The following RTKN2 variants were observed in gnomAD, a reference collection of about 807,000 sequenced individuals.
RTKN2 encodes rhotekin-2.
Under a neutral mutation model 71.5 loss-of-function variants are expected in RTKN2, and 69 were observed. The ratio of observed to expected loss-of-function variants is 0.96; its 90% CI spans 0.79 to 1.18. The LOEUF is 1.18. RTKN2 is among the 50% of genes most tolerant of loss of function. The pLI is 0.00. For synonymous variants in RTKN2, 236 were observed against 236.5 expected (o/e 1.00, Z 0.02); for missense variants, 724 against 719.7 (o/e 1.01, Z -0.07).
At chr10:62,187,277 C>CA (rs35517716) in intron 8 of RTKN2, among the ~76,000 whole-genome samples, 34,609 of 120,062 alleles carry the variant, frequency 0.29, 5,065 homozygotes, top group African/African-American at 0.49. Context: ...TCACAAATCA[C>CA]AAAAAAAAAA....
intron 8 of RTKN2, among the ~76,000 whole-genome samples, chr10:62,186,726 G>A (rs563978353): frequency 8.6e-5 from 13 of 150,742 alleles, no homozygotes; most frequent in African/African-American, 3.0e-4. Flanking sequence ...TTATTTTACT[G>A]CTGGTTACTG....
intron 1 of RTKN2, among the ~76,000 whole-genome samples, chr10:62,263,958 CAAT>C (rs1444916423): frequency 6.6e-6 from 1 of 151,960 alleles, no homozygotes; most frequent in East Asian, 1.9e-4. Context: ...ATTTAATTCA[CAAT>C]GACTTTATAA....
intron 10 of RTKN2, among the ~76,000 whole-genome samples, chr10:62,203,623 G>A (rs771200548): frequency 3.3e-5 from 5 of 152,238 alleles, no homozygotes; most frequent in Non-Finnish European, 5.9e-5. Flanking sequence ...GGGATTACAG[G>A]CGTGAGCCAC....
chr10:62,223,533 T>C (rs938292334), intron 6 of RTKN2, among the ~76,000 whole-genome samples: 1 of 152,172 alleles, frequency 6.6e-6, no homozygotes, highest in African/African-American at 2.4e-5. Context: ...GAAATGTCTA[T>C]TTCTCTTTTG....
In RTKN2 at chr10:62,193,782, T is replaced by G. The variant is rs922494217; in HGVS notation, c.*4126A>C. 1.3e-5 allele frequency: 13 copies of G among 984,608 alleles called. No homozygotes were observed. Among genetic ancestry groups the G allele is most frequent in the East Asian group, 1.1e-4 (1 of 8,812 alleles). The allele number at this position is 984,608 out of a possible 1,614,324, so 61.0% of individuals were successfully genotyped here. A position where few individuals can be genotyped will look rare whatever the true frequency, so the allele number is the denominator to read the frequency against. Reference sequence around the variant, plus strand: ...GATCACTAAACTAAAAGTAAGGTTATGTCAATGGATTTTTAAAAGAGTATA... The same window carrying G: ...GATCACTAAACTAAAAGTAAGGTTAGGTCAATGGATTTTTAAAAGAGTATA... On this transcript the variant is annotated 3_prime_UTR_variant, in exon 12 of 12. Coordinates refer to ENST00000373789, the MANE Select transcript of RTKN2 (RefSeq NM_145307.4).
chr10:62,240,148 G>C (rs1235840111), intron 4 of RTKN2, among the ~76,000 whole-genome samples: 2 of 151,464 alleles, frequency 1.3e-5, no homozygotes, highest in African/African-American at 4.9e-5. Flanking sequence ...TGGTTTCCAA[G>C]TCTATTTAAG....
intron 1 of RTKN2, among the ~76,000 whole-genome samples, chr10:62,263,917 TA>T (rs1247734606): frequency 4.6e-5 from 7 of 152,178 alleles, no homozygotes; most frequent in African/African-American, 1.7e-4. Flanking sequence ...CACGCAACAT[TA>T]AAATTCTACA....
chr10:62,245,747 C>T (rs1036168451), intron 3 of RTKN2, among the ~76,000 whole-genome samples: 1 of 152,132 alleles, frequency 6.6e-6, no homozygotes, highest in Non-Finnish European at 1.5e-5. Flanking sequence ...ATAACAATTA[C>T]TCTACCTATT....
chr10:62,215,109 GT>G, intron 9 of RTKN2: 2 of 1,394,906 alleles, frequency 1.4e-6, no homozygotes, highest in Non-Finnish European at 9.8e-7. Flanking sequence ...AATATCATTT[GT>G]TTAGATTACA....
At chr10:62,191,295 C>T (rs1446886350), downstream of RTKN2, among the ~76,000 whole-genome samples, 1 of 152,164 alleles carries the variant, frequency 6.6e-6, no homozygotes, top group African/African-American at 2.4e-5. Context: ...TGCCACCACA[C>T]ATGGCTATGT....
At chr10:62,253,845 T>C (rs914329344) in intron 2 of RTKN2, among the ~76,000 whole-genome samples, 4 of 152,026 alleles carry the variant, frequency 2.6e-5, no homozygotes, top group Non-Finnish European at 5.9e-5. Context: ...AAAAAAATAA[T>C]TGATACATGA....
chr10:62,229,764 A>G (rs1469871851), intron 6 of RTKN2, among the ~76,000 whole-genome samples: 2 of 152,184 alleles, frequency 1.3e-5, no homozygotes, highest in Admixed American at 1.3e-4. Flanking sequence ...TAACCAAACT[A>G]TATGTTTAAA....
At chr10:62,229,704 G>A (rs1015944421) in intron 6 of RTKN2, among the ~76,000 whole-genome samples, 1 of 152,156 alleles carries the variant, frequency 6.6e-6, no homozygotes, top group Admixed American at 6.5e-5. Context: ...CTGGAGAGAT[G>A]GCATGTTTAG....
intron 7 of RTKN2, among the ~76,000 whole-genome samples, chr10:62,222,421 T>C (rs979920717): frequency 5.9e-5 from 9 of 152,126 alleles, no homozygotes; most frequent in Admixed American, 2.6e-4. Flanking sequence ...CTCATAATTA[T>C]TTTTTAAACT....
chr10:62,244,861 G>A (rs1842447893), intron 3 of RTKN2, among the ~76,000 whole-genome samples: 1 of 152,014 alleles, frequency 6.6e-6, no homozygotes. Context: ...GGCCATTTAC[G>A]TACTTTGTAA....
rs1189947230 is a variant in RTKN2, at chr10:62,195,311, T to A, written c.*2597A>T. ...ACAAATTAAAAGGACAAACAAGGAA[T>A]GTGAAAGCTCATAAAAAGCTGAAGC... On this transcript the variant is annotated 3_prime_UTR_variant, in exon 12 of 12. Coordinates refer to ENST00000373789, the MANE Select transcript of RTKN2 (RefSeq NM_145307.4). 1.0e-6 allele frequency: 1 copy of A among 985,130 alleles called. No individual in the cohort carries two copies. 61.0% of individuals were successfully genotyped at this position (985,130 alleles called of 1,614,324 possible). A position where few individuals can be genotyped will look rare whatever the true frequency, so the allele number is the denominator to read the frequency against.
chr10:62,203,360 T>TA (rs1452964820), intron 10 of RTKN2, among the ~76,000 whole-genome samples: 1 of 119,638 alleles, frequency 8.4e-6, no homozygotes, highest in Non-Finnish European at 1.8e-5. Context: ...TTTTTTTTTT[T>TA]AAAGACAAGA....
intron 10 of RTKN2, among the ~76,000 whole-genome samples, chr10:62,200,454 T>C (rs1182714982): frequency 6.7e-6 from 1 of 150,258 alleles, no homozygotes; most frequent in African/African-American, 2.4e-5. Context: ...TTAAATACTA[T>C]CCTATTTCAC....
Position 62,246,035 on chromosome 10 carries a change from C to T in RTKN2, c.280G>A (p.Glu94Lys). 3 of 1,595,790 alleles carry T rather than the reference C, an allele frequency of 1.9e-6. No individual in the cohort carries two copies. Among genetic ancestry groups the T allele is most frequent in the Non-Finnish European group, 8.5e-7 (1 of 1,170,964 alleles). ...ATCTTTCCTTTACATGCTGTTCGTT[C>T]TTTACTTTCAAATTTCACATCACTG... is the stretch of plus-strand genomic sequence containing the variant. ...GRCDVKFESK[E>K]RTACKGKIAI... The change falls in exon 3 of 12, where the codon GAA becomes AAA. Residue 94 changes from glutamate to lysine, a missense_variant. Physicochemically the swap from Glu to Lys is moderately conservative, Grantham distance 56. Transcript: ENST00000373789.
Sources: allele counts gnomAD v4.1 joint callset (sites outside exome capture counted in the v4.1 genomes callset), GRCh38; gene constraint gnomAD v4.1.1; transcripts MANE v1.5; gene names NCBI Gene and HGNC (gene_info 2026-07-23, HGNC 2026-07-21).